The following TMEM178B variants were observed in gnomAD, a reference collection of about 807,000 sequenced individuals.
TMEM178B encodes transmembrane protein 178B.
In TMEM178B, 5 loss-of-function variants were observed where a neutral mutation model predicts 31.0. The observed-to-expected ratio is 0.16, with a 90% CI of 0.08 to 0.34. The LOEUF (loss-of-function observed/expected upper bound fraction) is 0.34. Ranked by LOEUF, TMEM178B falls within the 10% of genes least tolerant of loss-of-function variation. TMEM178B has a pLI of 1.00. For missense variants in TMEM178B, 275 were observed against 400.3 expected (o/e 0.69, Z 2.67); for synonymous variants, 164 against 164.0 (o/e 1.00, Z 0.00).
intron 2 of TMEM178B, among the ~76,000 whole-genome samples, chr7:141,252,478 T>C (rs1797850578): frequency 6.6e-6 from 1 of 152,218 alleles, no homozygotes; most frequent in African/African-American, 2.4e-5. Flanking sequence ...GGCCACGATG[T>C]AGACGTCACT....
At chr7:141,298,304 G>A (rs905992510) in intron 2 of TMEM178B, among the ~76,000 whole-genome samples, 2 of 152,170 alleles carry the variant, frequency 1.3e-5, no homozygotes, top group African/African-American at 4.8e-5. Flanking sequence ...CCATTCTGTA[G>A]GTTGCCTGTT....
intron 2 of TMEM178B, among the ~76,000 whole-genome samples, chr7:141,267,905 A>G (rs1798119138): frequency 6.6e-6 from 1 of 152,202 alleles, no homozygotes; most frequent in Admixed American, 6.5e-5. Context: ...CACTTAGCAG[A>G]TGTTCCTTAA....
intron 2 of TMEM178B, among the ~76,000 whole-genome samples, chr7:141,226,681 A>G (rs1797346720): frequency 6.6e-6 from 1 of 151,970 alleles, no homozygotes. Flanking sequence ...GCTAAAACCC[A>G]TCTCTACTAA....
At chr7:141,316,498 C>T (rs186029126) in intron 2 of TMEM178B, among the ~76,000 whole-genome samples, 129 of 152,122 alleles carry the variant, frequency 8.5e-4, no homozygotes, top group African/African-American at 2.9e-3. Flanking sequence ...GAGCAGTGAT[C>T]TAGGGGGAGT....
rs1220547745 is a variant in TMEM178B, at chr7:141,314,819, C to T, written c.496+102115C>T. Among the ~76,000 whole-genome samples the T allele has an allele frequency of 2.6e-5, 4 of 152,178 alleles. No homozygotes were observed. In the East Asian group the frequency reaches 7.7e-4, roughly 29 times the overall value. On this transcript the variant is annotated intron_variant, in intron 2 of 3. Transcript: ENST00000565468. Reference sequence around the variant, plus strand: ...TCTCCTCCCACTGAGACCTCAATCACCCTAATGGCCAAGTCATCAGCTCTA... The same window carrying T: ...TCTCCTCCCACTGAGACCTCAATCATCCTAATGGCCAAGTCATCAGCTCTA...
chr7:141,212,820 T>C lies in TMEM178B; in HGVS notation c.496+116T>C. 4.9e-6 allele frequency: 4 copies of C among 815,284 alleles called. 1 individual carries two copies. In the South Asian group the frequency reaches 7.0e-5, roughly 14 times the overall value. 50.5% of individuals were successfully genotyped at this position (815,284 alleles called of 1,614,324 possible). A position where few individuals can be genotyped will look rare whatever the true frequency, so the allele number is the denominator to read the frequency against. ...TGTGGATGGTCTCAGAACATTGAGA[T>C]GGTTCCATAAAGTGCCAATATCTTT... On this transcript the variant is annotated intron_variant, in intron 2 of 3. Coordinates refer to ENST00000565468, the MANE Select transcript of TMEM178B (RefSeq NM_001195278.2).
At chr7:141,311,000 G>C (rs184386928) in intron 2 of TMEM178B, among the ~76,000 whole-genome samples, 1 of 152,298 alleles carries the variant, frequency 6.6e-6, no homozygotes, top group Non-Finnish European at 1.5e-5. Context: ...CCTTTGCAGG[G>C]ACATAGATGA....
chr7:141,142,324 G>A (rs1263930557), intron 1 of TMEM178B, among the ~76,000 whole-genome samples: 2 of 136,804 alleles, frequency 1.5e-5, no homozygotes, highest in African/African-American at 7.4e-5. Flanking sequence ...CTGATTCCAT[G>A]TCTTGCTATT....
intron 2 of TMEM178B, among the ~76,000 whole-genome samples, chr7:141,214,479 T>C (rs574952363): frequency 5.9e-5 from 9 of 152,312 alleles, no homozygotes; most frequent in African/African-American, 2.2e-4. Flanking sequence ...AATTACAATA[T>C]AGTAGAATTG....
the TMEM178B span, among the ~76,000 whole-genome samples, chr7:141,503,051 C>G: frequency 6.6e-6 from 1 of 152,192 alleles, no homozygotes; most frequent in Non-Finnish European, 1.5e-5. Flanking sequence ...CCTCATCCAC[C>G]CAGCTCTTCT....
At chr7:141,195,267 C>T (rs1162880660) in intron 1 of TMEM178B, among the ~76,000 whole-genome samples, 1 of 152,192 alleles carries the variant, frequency 6.6e-6, no homozygotes, top group African/African-American at 2.4e-5. Flanking sequence ...AACTTTTATG[C>T]TCTGCTTTCC....
intron 2 of TMEM178B, among the ~76,000 whole-genome samples, chr7:141,230,605 C>T (rs1797425902): frequency 6.6e-6 from 1 of 151,960 alleles, no homozygotes; most frequent in Non-Finnish European, 1.5e-5. Flanking sequence ...TTCACTTTCC[C>T]CCTTATTTAA....
the TMEM178B span, among the ~76,000 whole-genome samples, chr7:141,493,852 AT>A: frequency 6.6e-6 from 1 of 152,182 alleles, no homozygotes; most frequent in Non-Finnish European, 1.5e-5. Flanking sequence ...GCCAATACAA[AT>A]TCAGTAGGGA....
At chr7:141,105,096 T>G (rs912469574) in intron 1 of TMEM178B, among the ~76,000 whole-genome samples, 1 of 151,744 alleles carries the variant, frequency 6.6e-6, no homozygotes, top group African/African-American at 2.4e-5. Flanking sequence ...GATGGACGTG[T>G]GAGGTGGGAG....
intron 2 of TMEM178B, among the ~76,000 whole-genome samples, chr7:141,231,342 A>G (rs977623964): frequency 6.6e-6 from 1 of 151,994 alleles, no homozygotes; most frequent in African/African-American, 2.4e-5. Flanking sequence ...AAGGCTGCCA[A>G]GGAAGTTTGA....
chr7:141,335,888 C>G (rs1799377417), intron 2 of TMEM178B, among the ~76,000 whole-genome samples: 1 of 152,092 alleles, frequency 6.6e-6, no homozygotes, highest in South Asian at 2.1e-4. Context: ...CCCCAAGTGT[C>G]TCTGGGAAAA....
At chr7:141,224,555 A>G (rs896903920) in intron 2 of TMEM178B, among the ~76,000 whole-genome samples, 1 of 152,166 alleles carries the variant, frequency 6.6e-6, no homozygotes, top group African/African-American at 2.4e-5. Context: ...TCCCAGAGCT[A>G]CTTGGGGTGT....
intron 1 of TMEM178B, among the ~76,000 whole-genome samples, chr7:141,094,874 G>A (rs1794932589): frequency 6.6e-6 from 1 of 152,170 alleles, no homozygotes; most frequent in African/African-American, 2.4e-5. Context: ...GCATTTCAGA[G>A]CCTCTGATTA....
intron 1 of TMEM178B, among the ~76,000 whole-genome samples, chr7:141,110,175 GTT>G (rs2129174981): frequency 6.6e-6 from 1 of 152,140 alleles, no homozygotes; most frequent in East Asian, 1.9e-4. Flanking sequence ...GGTAATTGTT[GTT>G]TCTTTATTCA....
Sources: allele counts gnomAD v4.1 joint callset (sites outside exome capture counted in the v4.1 genomes callset), GRCh38; gene constraint gnomAD v4.1.1; transcripts MANE v1.5; gene names NCBI Gene and HGNC (gene_info 2026-07-23, HGNC 2026-07-21).